Variants in CACNA2D3 observed in about 807,000 individuals in gnomAD.
The protein encoded by CACNA2D3 is voltage-dependent calcium channel subunit alpha-2/delta-3.
A neutral mutation model predicts 160.6 loss-of-function variants in CACNA2D3; 60 were observed. The observed-to-expected ratio is 0.37, with a 90% CI of 0.30 to 0.46. CACNA2D3 has a LOEUF of 0.46. Ranked by LOEUF, CACNA2D3 falls within the 20% of genes least tolerant of loss-of-function variation. The pLI, the probability that CACNA2D3 is intolerant of heterozygous loss-of-function variation, is 1.00. For synonymous variants in CACNA2D3, 558 were observed against 492.9 expected (o/e 1.13, Z -1.75); for missense variants, 1,205 against 1,365.0 (o/e 0.88, Z 1.85).
intron 9 of CACNA2D3, among the ~76,000 whole-genome samples, chr3:54,607,112 A>G (rs1575377803): frequency 6.6e-6 from 1 of 152,272 alleles, no homozygotes; most frequent in Non-Finnish European, 1.5e-5. Context: ...TTTCAATAGT[A>G]TTTTGCCATT....
intron 4 of CACNA2D3, among the ~76,000 whole-genome samples, chr3:54,445,502 G>C (rs139693586): frequency 6.7e-6 from 1 of 149,720 alleles, no homozygotes; most frequent in Non-Finnish European, 1.5e-5. Context: ...ATTTGTTTTT[G>C]TACATATATA....
At chr3:54,819,585 G>A (rs1454943843) in intron 14 of CACNA2D3, among the ~76,000 whole-genome samples, 4 of 152,272 alleles carry the variant, frequency 2.6e-5, no homozygotes, top group African/African-American at 7.2e-5. Flanking sequence ...GGTGGCTCAC[G>A]CCTGTAATCC....
At chr3:54,712,534 A>G (rs959981072) in intron 11 of CACNA2D3, among the ~76,000 whole-genome samples, 1 of 152,138 alleles carries the variant, frequency 6.6e-6, no homozygotes, top group Non-Finnish European at 1.5e-5. Flanking sequence ...CACAAGCTCC[A>G]TTCTCTTGTC....
chr3:54,288,099 C>T (rs763400507), intron 2 of CACNA2D3, among the ~76,000 whole-genome samples: 2 of 151,516 alleles, frequency 1.3e-5, no homozygotes, highest in African/African-American at 4.9e-5. Context: ...AAATAGAGAC[C>T]CAAAAAACCC....
intron 35 of CACNA2D3, among the ~76,000 whole-genome samples, chr3:55,061,815 G>A (rs938777727): frequency 2.0e-5 from 3 of 152,172 alleles, no homozygotes; most frequent in East Asian, 1.9e-4. Context: ...GTACCAATCC[G>A]CTTAGGTCTA....
rs113772368 is a variant in CACNA2D3 at position 54,479,285 on chromosome 3, A to G, written c.382-24207A>G. Among the ~76,000 whole-genome samples, 352 of 152,048 alleles carry G rather than the reference A, an allele frequency of 2.3e-3. 1 individual carries two copies. The highest frequency in any genetic ancestry group is 4.1e-3 in the Non-Finnish European group (282 of 67,980). On this transcript the variant is annotated intron_variant, in intron 4 of 37. Coordinates refer to ENST00000474759, the MANE Select transcript of CACNA2D3 (RefSeq NM_018398.3). The stretch of plus-strand genomic sequence containing the variant: ...CCAAGCTGAACTGTGAGTCAATTAA[A>G]CCTCTTTCCTTTATAAATTACCCAG...
intron 27 of CACNA2D3, among the ~76,000 whole-genome samples, chr3:54,954,506 T>A (rs938238350): frequency 1.3e-5 from 2 of 152,184 alleles, no homozygotes; most frequent in Non-Finnish European, 2.9e-5. Flanking sequence ...GACATCAGGG[T>A]GCATATCTTT....
At chr3:54,734,392 C>T (rs1701455806) in intron 11 of CACNA2D3, among the ~76,000 whole-genome samples, 1 of 152,308 alleles carries the variant, frequency 6.6e-6, no homozygotes, top group Non-Finnish European at 1.5e-5. Flanking sequence ...GCAGTGAAGT[C>T]AGTTCACAGG....
intron 18 of CACNA2D3, chr3:54,875,483 A>G (rs1472084877): frequency 1.3e-5 from 2 of 152,224 alleles, no homozygotes; most frequent in South Asian, 2.1e-4. Flanking sequence ...CTCACGTTCT[A>G]ATGTGGACAA....
intron 11 of CACNA2D3, among the ~76,000 whole-genome samples, chr3:54,680,282 C>T (rs1559547468): frequency 6.6e-6 from 1 of 152,334 alleles, no homozygotes; most frequent in East Asian, 1.9e-4. Flanking sequence ...GATAATCTTG[C>T]TCAGCTCAAC....
intron 9 of CACNA2D3, among the ~76,000 whole-genome samples, chr3:54,619,253 C>T (rs1273716413): frequency 6.6e-6 from 1 of 152,190 alleles, no homozygotes; most frequent in African/African-American, 2.4e-5. Context: ...TGGAGCTGGC[C>T]TTGTTCACAG....
At chr3:54,447,492 C>CT (rs1700241430) in intron 4 of CACNA2D3, among the ~76,000 whole-genome samples, 1 of 152,184 alleles carries the variant, frequency 6.6e-6, no homozygotes, top group Non-Finnish European at 1.5e-5. Context: ...ATACACAGGG[C>CT]TTGGAGGCCA....
intron 35 of CACNA2D3, among the ~76,000 whole-genome samples, chr3:55,037,429 A>G (rs1310729670): frequency 1.3e-5 from 2 of 152,180 alleles, no homozygotes; most frequent in African/African-American, 2.4e-5. Flanking sequence ...GAAAACCTCA[A>G]CCAACTCCCT....
intron 2 of CACNA2D3, among the ~76,000 whole-genome samples, chr3:54,167,580 G>A (rs773853580): frequency 1.3e-5 from 2 of 152,206 alleles, no homozygotes; most frequent in Non-Finnish European, 2.9e-5. Flanking sequence ...GGTCTTTGAT[G>A]TAGTGCAAAG....
chr3:54,283,347 G>A (rs1702926985), intron 2 of CACNA2D3, among the ~76,000 whole-genome samples: 1 of 152,108 alleles, frequency 6.6e-6, no homozygotes, highest in Non-Finnish European at 1.5e-5. Context: ...AGACTTTAAG[G>A]GTCCTCCCTC....
chr3:54,128,343 G>A lies in CACNA2D3; in HGVS notation c.204+4749G>A, dbSNP rs1055416234. ...AAAGAAATGCGAAACCATCACACCC[G>A]GCACCTGTGGCCCTCCCAGGTGTTT... On this transcript the variant is annotated intron_variant, in intron 2 of 37. Coordinates refer to ENST00000474759, the MANE Select transcript of CACNA2D3 (RefSeq NM_018398.3). Among the ~76,000 whole-genome samples the A allele has an allele frequency of 2.6e-5, 4 of 152,084 alleles. No individual in the cohort carries two copies. In the East Asian group the frequency reaches 5.8e-4, roughly 22 times the overall value.
intron 2 of CACNA2D3, among the ~76,000 whole-genome samples, chr3:54,210,376 A>G (rs907013899): frequency 5.3e-5 from 8 of 152,072 alleles, no homozygotes; most frequent in African/African-American, 1.7e-4. Flanking sequence ...ACTTCCTTGT[A>G]GGGAATTAGC....
intron 4 of CACNA2D3, among the ~76,000 whole-genome samples, chr3:54,465,539 C>A (rs1260957671): frequency 6.6e-6 from 1 of 152,170 alleles, no homozygotes; most frequent in Non-Finnish European, 1.5e-5. Context: ...TGGAACGTAT[C>A]TCTGTGGATA....
chr3:54,685,136 C>T (rs758537720), intron 11 of CACNA2D3, among the ~76,000 whole-genome samples: 5 of 151,910 alleles, frequency 3.3e-5, no homozygotes, highest in South Asian at 2.1e-4. Flanking sequence ...GTTCAACAGC[C>T]GAAAAATGCA....
Sources: allele counts gnomAD v4.1 joint callset (sites outside exome capture counted in the v4.1 genomes callset), GRCh38; gene constraint gnomAD v4.1.1; transcripts MANE v1.5; gene names NCBI Gene and HGNC (gene_info 2026-07-23, HGNC 2026-07-21).